Variants in TFPI observed in about 807,000 individuals in gnomAD.
TFPI encodes tissue factor pathway inhibitor.
TFPI carries 15 observed loss-of-function variants against 34.6 expected under a neutral mutation model. The ratio of observed to expected loss-of-function variants is 0.43; its 90% confidence interval spans 0.29 to 0.67. TFPI has a LOEUF of 0.67. Ranked by LOEUF, TFPI falls within the 30% of genes least tolerant of loss-of-function variation. The probability of loss-of-function intolerance (pLI) is 0.15; values close to 1 mark genes in which losing one functional copy is unlikely to be tolerated. For missense variants in TFPI, 301 were observed against 364.0 expected (o/e 0.83, Z 1.41); for synonymous variants, 105 against 120.1 (o/e 0.87, Z 0.82).
chr2:187,484,603 CAT>C, intron 5 of TFPI: 1 of 513,908 alleles, frequency 1.9e-6, no homozygotes, highest in Non-Finnish European at 3.3e-6. Context: ...AATAATGCAA[CAT>C]AAAAAGTATT....
chr2:187,503,896 C>A, intron 1 of TFPI, 126 bp from the exon 2 acceptor site: 3 of 959,584 alleles, frequency 3.1e-6, no homozygotes, highest in Non-Finnish European at 4.6e-6. Context: ...TATACACATA[C>A]ATTTCTCTGT....
rs528483247 is a variant in TFPI, at chr2:187,466,127, T to A, written c.*809A>T. The A allele has an allele frequency of 2.0e-5, 3 of 152,262 alleles. No homozygotes were observed. Among genetic ancestry groups the A allele is most frequent in the African/African-American group, 7.2e-5 (3 of 41,544 alleles). The allele number at this position is 152,262 out of a possible 1,614,324, so 9.4% of individuals were successfully genotyped here. A position where few individuals can be genotyped will look rare whatever the true frequency, so the allele number is the denominator to read the frequency against. On this transcript the variant is annotated 3_prime_UTR_variant, in exon 8 of 8. Transcript: ENST00000233156. ...GTTTAAATATTTTTGTTATTTTTAG[T>A]AAGAAAAAATATTGGGAAGCATAGT... is the stretch of plus-strand genomic sequence containing the variant.
At chr2:187,533,078 G>T (rs1218358036) in intron 1 of TFPI, among the ~76,000 whole-genome samples, 2 of 152,168 alleles carry the variant, frequency 1.3e-5, no homozygotes, top group African/African-American at 4.8e-5. Context: ...GGGGCTTATA[G>T]ATCAAACTCC....
intron 1 of TFPI, among the ~76,000 whole-genome samples, chr2:187,549,274 A>G (rs1689009862): frequency 6.6e-6 from 1 of 152,172 alleles, no homozygotes; most frequent in Admixed American, 6.6e-5. Context: ...TTTCACAACA[A>G]GAGAAAGTTG....
At chr2:187,545,415 G>A (rs1688807283) in intron 1 of TFPI, among the ~76,000 whole-genome samples, 1 of 152,124 alleles carries the variant, frequency 6.6e-6, no homozygotes, top group Admixed American at 6.5e-5. Flanking sequence ...CACTGCTAGA[G>A]CTAAAAACAA....
intron 3 of TFPI, among the ~76,000 whole-genome samples, chr2:187,493,518 GC>G: frequency 6.6e-6 from 1 of 152,252 alleles, no homozygotes; most frequent in Middle Eastern, 3.4e-3. Flanking sequence ...GCAAATTTCT[GC>G]AGCTGGCTTG....
At chr2:187,484,451 A>G in intron 5 of TFPI, 2 of 533,840 alleles carry the variant, frequency 3.7e-6, no homozygotes, top group Non-Finnish European at 6.5e-6. Context: ...CCCTTTAATA[A>G]ATGTTATAGG....
In TFPI at chr2:187,486,610, T is replaced by G. The variant is rs888199835; in HGVS notation, c.359-1623A>C. Among the ~76,000 whole-genome samples, 4 of 151,724 alleles carry G rather than the reference T, an allele frequency of 2.6e-5. No homozygotes were observed. In the South Asian group the frequency reaches 8.3e-4, roughly 31 times the overall value. ...ACTTATGTGAAGACAAAGTTGAAAA[T>G]GGACACATGTAAAATAATTCTTTTT... On this transcript the variant is annotated intron_variant, in intron 4 of 7. Transcript: ENST00000233156.
At position 187,465,671 on chromosome 2, in the gene TFPI, C is replaced by T. The variant is rs973516077; in HGVS notation, c.*1265G>A. 7 of 150,282 alleles carry T rather than the reference C, an allele frequency of 4.7e-5. No homozygotes were observed. Among genetic ancestry groups the T allele is most frequent in the Non-Finnish European group, 1.0e-4 (7 of 67,758 alleles). 9.3% of individuals were successfully genotyped at this position (150,282 alleles called of 1,614,324 possible). A position where few individuals can be genotyped will look rare whatever the true frequency, so the allele number is the denominator to read the frequency against. On this transcript the variant is annotated 3_prime_UTR_variant, in exon 8 of 8. Coordinates refer to ENST00000233156, the MANE Select transcript of TFPI (RefSeq NM_006287.6). The stretch of plus-strand genomic sequence containing the variant: ...AGTTCAAAATTTCAATCCTGAAGAA[C>T]AGGCAGAATTATACTATCATTGTTA...
intron 1 of TFPI, among the ~76,000 whole-genome samples, chr2:187,508,588 A>G (rs1686393117): frequency 1.3e-5 from 2 of 151,886 alleles, no homozygotes; most frequent in South Asian, 4.1e-4. Flanking sequence ...ATGGGAGTTC[A>G]CTCATGATTT....
intron 6 of TFPI, chr2:187,478,931 T>C: frequency 1.4e-6 from 1 of 692,688 alleles, no homozygotes; most frequent in Non-Finnish European, 2.3e-6. Flanking sequence ...CAAAAAAATC[T>C]TGTAATCTAG....
intron 1 of TFPI, among the ~76,000 whole-genome samples, chr2:187,531,657 GA>G (rs1687963899): frequency 6.6e-6 from 1 of 151,794 alleles, no homozygotes; most frequent in South Asian, 2.1e-4. Flanking sequence ...TCTGCAATGG[GA>G]AAAATTAAAA....
chr2:187,499,016 AAC>A (rs564863253), intron 2 of TFPI, among the ~76,000 whole-genome samples: 103 of 152,154 alleles, frequency 6.8e-4, no homozygotes, highest in African/African-American at 2.4e-3. Context: ...TTAAACCAAT[AAC>A]AGTGTCACTA....
At chr2:187,491,263 G>C (rs1435146840) in intron 3 of TFPI, among the ~76,000 whole-genome samples, 1 of 151,854 alleles carries the variant, frequency 6.6e-6, no homozygotes, top group Non-Finnish European at 1.5e-5. Context: ...ATATTGCATA[G>C]TGGTGAAGTG....
intron 2 of TFPI, among the ~76,000 whole-genome samples, 154 bp downstream of exon 2, chr2:187,503,494 C>T (rs1208914407): frequency 2.0e-5 from 3 of 151,402 alleles, no homozygotes; most frequent in Non-Finnish European, 4.4e-5. Context: ...CACACACACA[C>T]ACACACATAC....
At chr2:187,485,511 C>T (rs1033294094) in intron 4 of TFPI, among the ~76,000 whole-genome samples, 13 of 151,600 alleles carry the variant, frequency 8.6e-5, no homozygotes, top group African/African-American at 2.2e-4. Context: ...AATTCTTATG[C>T]GGGAATTAAT....
intron 1 of TFPI, among the ~76,000 whole-genome samples, chr2:187,540,890 C>CAAAAAAAA (rs56921212): frequency 1.2e-4 from 10 of 84,746 alleles, no homozygotes; most frequent in African/African-American, 3.2e-4. Context: ...GACTCCATCT[C>CAAAAAAAA]AAAAAAAAAA....
rs1056403643 is a variant in TFPI, at chr2:187,536,763, G to T, written c.-3+17437C>A. Reference sequence around the variant, plus strand: ...AATCAGGTAAGAGAAAGAAATAAAGGGTATTCAAATAGGAAAAGAGGAAGT... The same window carrying T: ...AATCAGGTAAGAGAAAGAAATAAAGTGTATTCAAATAGGAAAAGAGGAAGT... On this transcript the variant is annotated intron_variant, in intron 1 of 7. Transcript: ENST00000233156. Among the ~76,000 whole-genome samples the T allele has an allele frequency of 3.5e-4, 22 of 62,664 alleles. No homozygotes were observed. In the East Asian group the frequency reaches 5.2e-3, roughly 15 times the overall value. 41.1% of individuals were successfully genotyped at this position (62,664 alleles called of 152,430 possible). A position where few individuals can be genotyped will look rare whatever the true frequency, so the allele number is the denominator to read the frequency against.
intron 4 of TFPI, among the ~76,000 whole-genome samples, chr2:187,485,446 G>A (rs536529748): frequency 6.6e-6 from 1 of 151,818 alleles, no homozygotes; most frequent in East Asian, 1.9e-4. Flanking sequence ...TTTAAAAGTT[G>A]AAAAAGAATA....
Sources: allele counts gnomAD v4.1 joint callset (sites outside exome capture counted in the v4.1 genomes callset), GRCh38; gene constraint gnomAD v4.1.1; transcripts MANE v1.5; gene names NCBI Gene and HGNC (gene_info 2026-07-23, HGNC 2026-07-21).